Variants in CHRDL1 observed in about 807,000 individuals in gnomAD.
The protein encoded by CHRDL1 is chordin like 1.
A neutral mutation model predicts 40.9 loss-of-function variants in CHRDL1; 19 were observed. The observed-to-expected ratio is 0.46, with a 90% CI of 0.32 to 0.68. The LOEUF is 0.68. Among genes scored for constraint, CHRDL1 ranks in the 30% least tolerant of loss-of-function variants. CHRDL1 has a pLI of 0.03. For missense variants in CHRDL1, 329 were observed against 352.1 expected, an observed-to-expected ratio of 0.93 and a Z score of 0.53; for synonymous variants, 136 against 123.4, an observed-to-expected ratio of 1.10 and a Z score of -0.68.
chrX:110,713,639 T>TGG (rs2070784302), intron 6 of CHRDL1, among the ~76,000 whole-genome samples: 1 of 112,332 alleles, frequency 8.9e-6, no homozygotes, highest in African/African-American at 3.2e-5. Flanking sequence ...CAGGTTAAAA[T>TGG]TCTAGCTCTG....
intron 4 of CHRDL1, among the ~76,000 whole-genome samples, chrX:110,723,115 G>A (rs1436856809): frequency 9.0e-5 from 10 of 110,843 alleles, no homozygotes; most frequent in Admixed American, 6.7e-4. Flanking sequence ...GCCAGGCATG[G>A]TGGCGAGTGC....
intron 9 of CHRDL1, 132 bp from the exon 10 acceptor site, chrX:110,681,781 G>T (rs777568390): frequency 2.6e-4 from 131 of 504,074 alleles, no homozygotes; most frequent in Non-Finnish European, 4.0e-4. Flanking sequence ...AACATTCTTC[G>T]AGAGACAGAA....
chrX:110,710,050 C>T (rs141805328), intron 6 of CHRDL1, among the ~76,000 whole-genome samples: 104 of 111,561 alleles, frequency 9.3e-4, no homozygotes, highest in African/African-American at 3.3e-3. Context: ...CTACCACATC[C>T]ATGAACTGAA....
chrX:110,725,609 A>G (rs1486590848), intron 4 of CHRDL1, among the ~76,000 whole-genome samples: 1 of 109,361 alleles, frequency 9.1e-6, no homozygotes, highest in African/African-American at 3.3e-5. Flanking sequence ...TCTCTTCCCC[A>G]CTCTCCCCAC....
At chrX:110,698,231 TCTC>T (rs1346828700) in intron 7 of CHRDL1, among the ~76,000 whole-genome samples, 18 of 111,319 alleles carry the variant, frequency 1.6e-4, no homozygotes, top group Non-Finnish European at 1.9e-5. Flanking sequence ...TCTCCTATTT[TCTC>T]ATTTTAGGCT....
intron 2 of CHRDL1, among the ~76,000 whole-genome samples, chrX:110,772,393 C>T (rs1023741841): frequency 8.8e-6 from 1 of 112,997 alleles, no homozygotes; most frequent in African/African-American, 3.2e-5. Flanking sequence ...AATCCCAGCA[C>T]GTTGGGAGGC....
intron 2 of CHRDL1, among the ~76,000 whole-genome samples, chrX:110,791,312 G>A (rs1302708007): frequency 1.8e-5 from 2 of 111,575 alleles, no homozygotes; most frequent in Non-Finnish European, 3.8e-5. Flanking sequence ...CTACCTCAGA[G>A]ATGGCTGCAA....
At chrX:110,756,596 A>C (rs2089456964) in intron 4 of CHRDL1, among the ~76,000 whole-genome samples, 1 of 111,610 alleles carries the variant, frequency 9.0e-6, no homozygotes, top group Non-Finnish European at 1.9e-5. Flanking sequence ...AGGCAGCCCA[A>C]ACCGAGTCAT....
At chrX:110,708,599 G>A (rs779571241) in intron 6 of CHRDL1, among the ~76,000 whole-genome samples, 33 of 111,696 alleles carry the variant, frequency 3.0e-4, no homozygotes, top group Non-Finnish European at 7.5e-5. Context: ...CACACAACGG[G>A]GGGAATTCCT....
At chrX:110,709,925 C>T (rs1027786399) in intron 6 of CHRDL1, among the ~76,000 whole-genome samples, 2 of 111,401 alleles carry the variant, frequency 1.8e-5, no homozygotes, top group African/African-American at 6.5e-5. Flanking sequence ...TCACTTGAAC[C>T]CAGGAGGCAG....
In CHRDL1 at chrX:110,681,611, A is replaced by G; in HGVS notation, c.1027T>C (p.Phe343Leu). Residue 343 changes from phenylalanine to leucine, a missense_variant, in exon 10 of 12, where the codon TTC (phenylalanine) becomes CTC (leucine). Coordinates refer to ENST00000372042, the MANE Select transcript of CHRDL1 (RefSeq NM_001143981.2). ...ACAGGCATCGTTTCTTCCCCGCAGA[A>G]GTAGCCTTTATTGTCAAAGCTTTGG... The part of the protein sequence containing the change: ...PGQSFDNKGY[F>L]CGEETMPVYE... 1 of 1,207,941 alleles carries G rather than the reference A, an allele frequency of 8.3e-7. No homozygotes were observed. The highest frequency in any genetic ancestry group is 1.1e-6 in the Non-Finnish European group (1 of 892,619).
chrX:110,689,739 A>C lies in CHRDL1; in HGVS notation c.779-936T>G, dbSNP rs773483940. Among the ~76,000 whole-genome samples, 3 of 53,169 alleles carry C rather than the reference A, an allele frequency of 5.6e-5. 1 individual carries two copies. The allele number at this position is 53,169 out of a possible 115,157, so 46.2% of individuals were successfully genotyped here. ...TATATCTATATATATCTATATATCT[A>C]TATATATCTATATATCTATATATCT... On this transcript the variant is annotated intron_variant, in intron 8 of 11. Coordinates refer to ENST00000372042, the MANE Select transcript of CHRDL1 (RefSeq NM_001143981.2).
Position 110,679,341 on chromosome X carries a change from G to T in CHRDL1, c.1241C>A (p.Thr414Asn). 8.4e-7 allele frequency: 1 copy of T among 1,187,612 alleles called. No individual in the cohort carries two copies. The highest frequency in any genetic ancestry group is 1.8e-5 in the South Asian group (1 of 56,455). ...TCAAGAGAAGTACTACTTACTCAGG[G>T]TTGTTCTGGTCACCAGCTTGAAGTG... Reference protein sequence around the residue: ...LPHFKLVTRTTLSQWKIFTEG... With the variant: ...LPHFKLVTRTNLSQWKIFTEG... The change falls in exon 11 of 12, where the codon ACC becomes AAC. Residue 414 changes from threonine to asparagine, a missense_variant. Thr to Asn is a moderately conservative substitution (Grantham distance 65). Coordinates refer to ENST00000372042, the MANE Select transcript of CHRDL1 (RefSeq NM_001143981.2).
intron 11 of CHRDL1, among the ~76,000 whole-genome samples, chrX:110,676,585 G>GT (rs2069782528): frequency 8.9e-6 from 1 of 111,740 alleles, no homozygotes; most frequent in Admixed American, 9.5e-5. Flanking sequence ...CATAGCATTT[G>GT]TAAGAATCCC....
chrX:110,795,473 G>C (rs770067849), intron 1 of CHRDL1, among the ~76,000 whole-genome samples: 17 of 111,688 alleles, frequency 1.5e-4, no homozygotes, highest in Non-Finnish European at 5.6e-5. Flanking sequence ...CTCTCAAAGC[G>C]CCAGAGCATA....
At chrX:110,689,879 C>A (rs1490504893) in intron 8 of CHRDL1, among the ~76,000 whole-genome samples, 6 of 34,814 alleles carry the variant, frequency 1.7e-4, no homozygotes, top group East Asian at 1.1e-3. Context: ...CTATATATAT[C>A]TATATATCTA....
Position 110,676,367 on chromosome X carries a change from A to C in CHRDL1, c.1247-6T>G, listed in dbSNP as rs2069778824. Reference sequence around the variant, plus strand: ...GGTGAAGATCTTCCACTGGCCTAAAAGGCAAACAAACGCAAAGTGGCCGGG... The same window carrying C: ...GGTGAAGATCTTCCACTGGCCTAAACGGCAAACAAACGCAAAGTGGCCGGG... On this transcript the variant is annotated splice_region_variant and splice_polypyrimidine_tract_variant and intron_variant, in intron 11 of 11. Coordinates refer to ENST00000372042, the MANE Select transcript of CHRDL1 (RefSeq NM_001143981.2). 1 of 1,208,071 alleles carries C rather than the reference A, an allele frequency of 8.3e-7. No individual in the cohort carries two copies. The highest frequency in any genetic ancestry group is 2.2e-5 in the Admixed American group (1 of 45,548).
chrX:110,714,395 T>G (rs1440304160), intron 6 of CHRDL1, among the ~76,000 whole-genome samples: 1 of 112,125 alleles, frequency 8.9e-6, no homozygotes, highest in Non-Finnish European at 1.9e-5. Context: ...ATATACACCA[T>G]GGAATACTAT....
chrX:110,764,905 G>A (rs1189830578), intron 2 of CHRDL1, among the ~76,000 whole-genome samples: 2 of 110,837 alleles, frequency 1.8e-5, no homozygotes, highest in Admixed American at 9.5e-5. Context: ...GAAAAACCCC[G>A]CTCTGGGAAA....
Sources: allele counts gnomAD v4.1 joint callset (sites outside exome capture counted in the v4.1 genomes callset), GRCh38; gene constraint gnomAD v4.1.1; transcripts MANE v1.5; gene names NCBI Gene and HGNC (gene_info 2026-07-23, HGNC 2026-07-21).